The following TYW1 variants were observed in gnomAD, a reference collection of about 807,000 sequenced individuals.
TYW1 encodes the protein S-adenosyl-L-methionine-dependent tRNA 4-demethylwyosine synthase TYW1.
In TYW1, 46 loss-of-function variants were observed where a neutral mutation model predicts 96.2. The observed-to-expected ratio is 0.48, with a 90% CI of 0.38 to 0.61. The LOEUF (loss-of-function observed/expected upper bound fraction) is 0.61, where lower values mean the gene tolerates loss of function less well. TYW1 is among the 20% of genes least tolerant of loss of function. TYW1 has a pLI of 0.00. For missense variants in TYW1, 684 were observed against 909.6 expected, an observed-to-expected ratio of 0.75 and a Z score of 3.19; for synonymous variants, 274 against 323.0, an observed-to-expected ratio of 0.85 and a Z score of 1.63.
chr7:67,149,752 A>ATCTG (rs1798737409), intron 13 of TYW1, among the ~76,000 whole-genome samples: 1 of 84,696 alleles, frequency 1.2e-5, no homozygotes, highest in Admixed American at 1.0e-4. Flanking sequence ...CTATCTATCT[A>ATCTG]TCTATCTATC....
chr7:67,081,376 C>CA (rs1231375972), intron 10 of TYW1, among the ~76,000 whole-genome samples: 1 of 149,984 alleles, frequency 6.7e-6, no homozygotes, highest in Non-Finnish European at 1.5e-5. Context: ...TTCTCTTTGT[C>CA]ATTGTCTTTT....
intron 13 of TYW1, among the ~76,000 whole-genome samples, chr7:67,120,448 C>A (rs1328039018): frequency 6.6e-6 from 1 of 152,180 alleles, no homozygotes; most frequent in Non-Finnish European, 1.5e-5. Context: ...ATGTGTTTTA[C>A]CAGTTGTCCA....
chr7:67,154,110 G>T (rs1798892138), intron 13 of TYW1, among the ~76,000 whole-genome samples: 1 of 151,860 alleles, frequency 6.6e-6, no homozygotes, highest in African/African-American at 2.4e-5. Context: ...TTTTAGTAGA[G>T]ATGGGGTTTC....
intron 7 of TYW1, among the ~76,000 whole-genome samples, chr7:67,035,412 G>C (rs1302450193): frequency 6.6e-6 from 1 of 152,014 alleles, no homozygotes; most frequent in African/African-American, 2.4e-5. Context: ...CACTGCGCCT[G>C]GCCTGAATCA....
intron 11 of TYW1, among the ~76,000 whole-genome samples, chr7:67,092,533 C>T (rs1435429067): frequency 1.3e-5 from 2 of 152,102 alleles, no homozygotes; most frequent in African/African-American, 2.4e-5. Context: ...ACTCCCTCAC[C>T]TCCTCCAGCT....
In TYW1 at chr7:67,024,826, G is replaced by A. The variant is rs1484930879; in HGVS notation, c.862-74G>A. The A allele has an allele frequency of 2.5e-6, 4 of 1,574,222 alleles. No homozygotes were observed. The African/African-American group carries it at 4.1e-5, about 16-fold the overall frequency. Reference sequence around the variant, plus strand: ...AATTTAGAGACATAGTGAATTCTCAGTGTGGGAGGGAGGGTAAGAGAGCTT... The same window carrying A: ...AATTTAGAGACATAGTGAATTCTCAATGTGGGAGGGAGGGTAAGAGAGCTT... On this transcript the variant is annotated intron_variant, in intron 6 of 15. Coordinates refer to ENST00000359626, the MANE Select transcript of TYW1 (RefSeq NM_018264.4).
chr7:67,111,221 C>G (rs78031715), intron 12 of TYW1, among the ~76,000 whole-genome samples: 1 of 149,984 alleles, frequency 6.7e-6, no homozygotes, highest in Admixed American at 6.6e-5. Flanking sequence ...TTTTTTTTTC[C>G]GAGACGGAAT....
At chr7:67,081,882 G>A (rs978640732) in intron 10 of TYW1, among the ~76,000 whole-genome samples, 2 of 140,956 alleles carry the variant, frequency 1.4e-5, no homozygotes, top group African/African-American at 5.3e-5. Flanking sequence ...GACATTGTTT[G>A]TTCTCCTTGA....
chr7:67,065,653 T>A (rs1218904698), intron 9 of TYW1, among the ~76,000 whole-genome samples: 6 of 151,292 alleles, frequency 4.0e-5, no homozygotes, highest in Non-Finnish European at 7.4e-5. Flanking sequence ...TTTTTTTTTT[T>A]AATTAAAACA....
At chr7:67,000,337 C>T (rs1793341689) in intron 3 of TYW1, among the ~76,000 whole-genome samples, 1 of 151,676 alleles carries the variant, frequency 6.6e-6, no homozygotes, top group African/African-American at 2.4e-5. Context: ...CTCACTCTGT[C>T]CCCCAGCCTG....
chr7:67,001,695 C>T (rs113733897), intron 3 of TYW1, among the ~76,000 whole-genome samples: 10,100 of 151,394 alleles, frequency 0.067, 432 homozygotes, highest in South Asian at 0.11. Context: ...GTTGGGATTA[C>T]AGGCGTGAGC....
chr7:67,214,417 CT>C (rs1315184107), intron 15 of TYW1, among the ~76,000 whole-genome samples: 1 of 152,048 alleles, frequency 6.6e-6, no homozygotes, highest in Admixed American at 6.5e-5. Flanking sequence ...TCTTTGGGAT[CT>C]TCTACATGTA....
chr7:67,015,486 G>A (rs1405966619), intron 5 of TYW1, among the ~76,000 whole-genome samples: 1 of 152,102 alleles, frequency 6.6e-6, no homozygotes, highest in Non-Finnish European at 1.5e-5. Context: ...CTAGTAGCTG[G>A]AACTATAGGC....
chr7:67,045,210 TA>T (rs199920354), intron 7 of TYW1, among the ~76,000 whole-genome samples: 313 of 152,136 alleles, frequency 2.1e-3, no homozygotes, highest in African/African-American at 6.8e-3. Flanking sequence ...ATTTTTTTTT[TA>T]AATTTTTTTT....
Position 67,204,686 on chromosome 7 carries a change from C to T in TYW1, c.1977+9349C>T, listed in dbSNP as rs142898974. On this transcript the variant is annotated intron_variant, in intron 15 of 15. Transcript: ENST00000359626. ...CTCGGCTCACTGCAACCTCCACCTC[C>T]GAGTTCAAGTGATTCTCCTGCCTCA... is the stretch of plus-strand genomic sequence containing the variant. 3.5e-3 allele frequency among the ~76,000 whole-genome samples: 529 copies of T among 151,942 alleles called. 3 individuals are homozygous for T. Among genetic ancestry groups the T allele is most frequent in the African/African-American group, 0.012 (507 of 41,436 alleles).
In TYW1 at chr7:67,083,511, C is replaced by A. The variant is rs1796446810; in HGVS notation, c.1356C>A (p.Asn452Lys). 1 of 1,614,124 alleles carries A rather than the reference C, an allele frequency of 6.2e-7. No individual in the cohort carries two copies. Among genetic ancestry groups the A allele is most frequent in the Non-Finnish European group, 8.5e-7 (1 of 1,180,014 alleles). ...PEMILKEAIENHQNMIKQFKG... is the reference protein window; with the variant it reads ...PEMILKEAIEKHQNMIKQFKG... ...TGATCTTGAAGGAAGCCATTGAAAA[C>A]CATCAGAACATGATTAAGCAGTTTA... Residue 452 changes from asparagine (N) to lysine (K), a missense_variant, in exon 11 of 16, where the codon AAC (asparagine) becomes AAA (lysine). Physicochemically the swap from Asn to Lys is moderately conservative, Grantham distance 94. Coordinates refer to ENST00000359626, the MANE Select transcript of TYW1 (RefSeq NM_018264.4).
intron 15 of TYW1, among the ~76,000 whole-genome samples, chr7:67,208,963 G>A (rs534162738): frequency 6.6e-6 from 1 of 152,236 alleles, no homozygotes; most frequent in Non-Finnish European, 1.5e-5. Context: ...GAAAATGGAT[G>A]ATTTATTTAA....
At chr7:67,206,078 T>G (rs1334222086) in intron 15 of TYW1, among the ~76,000 whole-genome samples, 1 of 152,176 alleles carries the variant, frequency 6.6e-6, no homozygotes, top group African/African-American at 2.4e-5. Flanking sequence ...CACTGTAGAG[T>G]TGGGGTTCAC....
At chr7:67,021,427 G>T (rs1460863258) in intron 6 of TYW1, among the ~76,000 whole-genome samples, 3 of 152,264 alleles carry the variant, frequency 2.0e-5, no homozygotes, top group Non-Finnish European at 4.4e-5. Flanking sequence ...AAGTGACTTT[G>T]CCCATCCCCT....
Sources: allele counts gnomAD v4.1 joint callset (sites outside exome capture counted in the v4.1 genomes callset), GRCh38; gene constraint gnomAD v4.1.1; transcripts MANE v1.5; gene names NCBI Gene and HGNC (gene_info 2026-07-23, HGNC 2026-07-21).